RBM41: variants seen among roughly 807,000 people sequenced by gnomAD.
RBM41 encodes the protein RNA binding motif protein 41.
In RBM41, 14 loss-of-function variants were observed where a neutral mutation model predicts 30.8. The ratio of observed to expected loss-of-function variants is 0.45; its 90% CI spans 0.30 to 0.71. RBM41 has a LOEUF of 0.71. RBM41 is among the 30% of genes least tolerant of loss of function. The pLI is 0.08. For synonymous variants in RBM41, 120 were observed against 110.1 expected (o/e 1.09, Z -0.56); for missense variants, 276 against 326.3 (o/e 0.85, Z 1.19).
chrX:107,111,318 T>C (rs771981488), intron 5 of RBM41, among the ~76,000 whole-genome samples: 1 of 111,097 alleles, frequency 9.0e-6, no homozygotes, highest in Non-Finnish European at 1.9e-5. Context: ...ATCAGGGAAA[T>C]TGAAATCAAA....
chrX:107,101,098 T>C (rs974659697), intron 5 of RBM41, among the ~76,000 whole-genome samples: 11 of 111,344 alleles, frequency 9.9e-5, no homozygotes, highest in African/African-American at 3.6e-4. Context: ...GTGCTGCATG[T>C]ATGGGTGGTA....
At chrX:107,071,054 CAA>C (rs201441464) in intron 6 of RBM41, among the ~76,000 whole-genome samples, 13 of 82,282 alleles carry the variant, frequency 1.6e-4, no homozygotes, top group Admixed American at 4.0e-4. Flanking sequence ...GACCCTGTCT[CAA>C]AAAAAAAAAA....
At chrX:107,097,321 C>T (rs1037264997) in intron 5 of RBM41, among the ~76,000 whole-genome samples, 1 of 111,605 alleles carries the variant, frequency 9.0e-6, no homozygotes, top group Non-Finnish European at 1.9e-5. Flanking sequence ...TTAAACAATG[C>T]GGTATATCTA....
intron 6 of RBM41, among the ~76,000 whole-genome samples, chrX:107,076,702 T>C (rs1210699630): frequency 9.0e-6 from 1 of 111,213 alleles, no homozygotes; most frequent in African/African-American, 3.3e-5. Flanking sequence ...GTTAAGAGGA[T>C]AGATCTTGTG....
chrX:107,058,642 G>A (rs948285080), downstream of RBM41, among the ~76,000 whole-genome samples: 2 of 111,822 alleles, frequency 1.8e-5, no homozygotes, highest in Non-Finnish European at 3.8e-5. Context: ...CGTAAGTGGA[G>A]GAAGCTACAG....
intron 5 of RBM41, among the ~76,000 whole-genome samples, chrX:107,097,319 T>C (rs1005729930): frequency 3.8e-4 from 42 of 111,798 alleles, no homozygotes; most frequent in Admixed American, 3.3e-3. Context: ...GATTAAACAA[T>C]GCGGTATATC....
intron 6 of RBM41, among the ~76,000 whole-genome samples, chrX:107,080,204 T>A (rs1236580393): frequency 9.0e-6 from 1 of 110,601 alleles, no homozygotes; most frequent in Non-Finnish European, 1.9e-5. Flanking sequence ...GTGGCCAACC[T>A]GTCTTCCAAA....
chrX:107,110,405 CTT>C (rs1924367582), intron 5 of RBM41, among the ~76,000 whole-genome samples: 1 of 111,141 alleles, frequency 9.0e-6, no homozygotes, highest in African/African-American at 3.3e-5. Context: ...AGGTAAAAGA[CTT>C]ATACACTGAA....
At chrX:107,110,101 C>T (rs974922536) in intron 5 of RBM41, among the ~76,000 whole-genome samples, 8 of 109,663 alleles carry the variant, frequency 7.3e-5, no homozygotes, top group African/African-American at 2.6e-4. Flanking sequence ...AGAAAGGATA[C>T]TCTTTTAACA....
intron 5 of RBM41, among the ~76,000 whole-genome samples, chrX:107,099,692 C>CAG (rs2080867177): frequency 2.3e-5 from 2 of 86,963 alleles, no homozygotes; most frequent in South Asian, 9.3e-4. Flanking sequence ...CTGAAAGGTA[C>CAG]ACACACACAC....
At chrX:107,084,944 A>G (rs1424046223) in intron 6 of RBM41, among the ~76,000 whole-genome samples, 1 of 112,177 alleles carries the variant, frequency 8.9e-6, no homozygotes, top group Non-Finnish European at 1.9e-5. Context: ...TGTGAGTTTC[A>G]TCCAAATTGA....
At chrX:107,089,806 T>C (rs1052658640) in intron 5 of RBM41, among the ~76,000 whole-genome samples, 2 of 111,631 alleles carry the variant, frequency 1.8e-5, no homozygotes, top group Non-Finnish European at 3.8e-5. Flanking sequence ...ATTAGTCTCA[T>C]CCCTCCATTA....
downstream of RBM41, among the ~76,000 whole-genome samples, chrX:107,057,694 G>GC (rs1323771434): frequency 5.4e-5 from 6 of 111,821 alleles, no homozygotes; most frequent in Admixed American, 5.7e-4. Flanking sequence ...TACTTCAAAA[G>GC]CACAGGCAAC....
At chrX:107,054,283 C>T in the RBM41 span, among the ~76,000 whole-genome samples, 1 of 111,685 alleles carries the variant, frequency 9.0e-6, no homozygotes, top group Non-Finnish European at 1.9e-5. Flanking sequence ...AAGACTCCTA[C>T]TGCTGCCACT....
chrX:107,106,262 G>GA (rs1310112272), intron 5 of RBM41, among the ~76,000 whole-genome samples: 2 of 112,210 alleles, frequency 1.8e-5, no homozygotes, highest in African/African-American at 6.5e-5. Flanking sequence ...AAAAACACAT[G>GA]AAAAAATGCT....
intron 6 of RBM41, among the ~76,000 whole-genome samples, chrX:107,081,213 T>C (rs1390881153): frequency 9.8e-6 from 1 of 102,399 alleles, no homozygotes; most frequent in Non-Finnish European, 2.1e-5. Flanking sequence ...GGTTTGTATC[T>C]AGATTCATTT....
intron 6 of RBM41, among the ~76,000 whole-genome samples, chrX:107,075,896 G>A (rs1326294846): frequency 9.0e-6 from 1 of 111,698 alleles, no homozygotes; most frequent in Non-Finnish European, 1.9e-5. Flanking sequence ...ATCCAAAAGA[G>A]CTGAAATCAG....
At chrX:107,092,267 C>CAA (rs541073895) in intron 5 of RBM41, among the ~76,000 whole-genome samples, 3 of 86,885 alleles carry the variant, frequency 3.5e-5, no homozygotes, top group African/African-American at 1.2e-4. Context: ...AGAGATGGAC[C>CAA]AAAAAAAAAA....
At chrX:107,094,445 T>C (rs895777001) in intron 5 of RBM41, among the ~76,000 whole-genome samples, 1 of 112,024 alleles carries the variant, frequency 8.9e-6, no homozygotes, top group African/African-American at 3.2e-5. Flanking sequence ...ATCATCACAG[T>C]AGGTGCAGAA....
Sources: allele counts gnomAD v4.1 joint callset (sites outside exome capture counted in the v4.1 genomes callset), GRCh38; gene constraint gnomAD v4.1.1; transcripts MANE v1.5; gene names NCBI Gene and HGNC (gene_info 2026-07-23, HGNC 2026-07-21).